KCNJ6: variants seen among roughly 807,000 people sequenced by gnomAD.
KCNJ6 encodes the protein G protein-activated inward rectifier potassium channel 2.
KCNJ6 carries 9 observed loss-of-function variants against 34.2 expected under a neutral mutation model. The observed-to-expected ratio is 0.26, with a 90% CI of 0.16 to 0.46. KCNJ6 has a LOEUF of 0.46. KCNJ6 is among the 20% of genes least tolerant of loss of function. The pLI is 1.00. For synonymous variants in KCNJ6, 196 were observed against 207.1 expected, an observed-to-expected ratio of 0.95 and a Z score of 0.46; for missense variants, 236 against 531.3, an observed-to-expected ratio of 0.44 and a Z score of 5.46.
chr21:37,637,106 G>A (rs1206658541), intron 3 of KCNJ6, among the ~76,000 whole-genome samples: 1 of 152,226 alleles, frequency 6.6e-6, no homozygotes, highest in Non-Finnish European at 1.5e-5. Flanking sequence ...CAGTAATAAA[G>A]TGTTGTGCAC....
chr21:37,646,331 C>G (rs924032208), intron 3 of KCNJ6, among the ~76,000 whole-genome samples: 1 of 152,164 alleles, frequency 6.6e-6, no homozygotes, highest in African/African-American at 2.4e-5. Flanking sequence ...CACCATGTGC[C>G]CAAGTTCTGT....
intron 2 of KCNJ6, among the ~76,000 whole-genome samples, chr21:37,785,640 T>G (rs369850851): frequency 1.3e-4 from 20 of 152,336 alleles, no homozygotes; most frequent in African/African-American, 4.6e-4. Context: ...TTATCAATAT[T>G]ATTTCTTCTA....
intron 1 of KCNJ6, among the ~76,000 whole-genome samples, chr21:37,882,312 G>A (rs902931983): frequency 2.6e-5 from 4 of 152,108 alleles, no homozygotes; most frequent in Admixed American, 6.5e-5. Context: ...CACACAACAG[G>A]CTTGGGTTTC....
chr21:37,672,436 T>G (rs889267427), intron 3 of KCNJ6, among the ~76,000 whole-genome samples: 3 of 152,036 alleles, frequency 2.0e-5, no homozygotes, highest in Non-Finnish European at 4.4e-5. Context: ...AGGAGCTGGG[T>G]CTGGGGGTCA....
At chr21:37,650,104 T>C (rs1466799840) in intron 3 of KCNJ6, among the ~76,000 whole-genome samples, 1 of 152,122 alleles carries the variant, frequency 6.6e-6, no homozygotes, top group Non-Finnish European at 1.5e-5. Flanking sequence ...TGTGTCTGCA[T>C]TCTAGAAAAG....
rs527737702 is a variant in KCNJ6 at position 37,732,032 on chromosome 21, A to G, written c.26-16901T>C. 2.6e-5 allele frequency among the ~76,000 whole-genome samples: 4 copies of G among 152,314 alleles called. 1 individual carries two copies. Among genetic ancestry groups the G allele is most frequent in the Non-Finnish European group, 5.9e-5 (4 of 68,026 alleles). On this transcript the variant is annotated intron_variant, in intron 2 of 3. Transcript: ENST00000609713. ...CTGCAAGACACACTCATCTTAGATG[A>G]GGAAGGGAGATGGCAGCGTGGCTGG...
At chr21:37,667,013 T>C (rs542005278) in intron 3 of KCNJ6, among the ~76,000 whole-genome samples, 29 of 151,776 alleles carry the variant, frequency 1.9e-4, no homozygotes, top group African/African-American at 6.8e-4. Flanking sequence ...ACAAACACTG[T>C]GGAAGGCCGC....
chr21:37,655,388 C>T (rs192652644), intron 3 of KCNJ6, among the ~76,000 whole-genome samples: 1 of 152,240 alleles, frequency 6.6e-6, no homozygotes, highest in East Asian at 1.9e-4. Context: ...GTATCATAGG[C>T]AAATCAAAGC....
At chr21:37,784,944 C>T (rs1361243779) in intron 2 of KCNJ6, among the ~76,000 whole-genome samples, 4 of 152,100 alleles carry the variant, frequency 2.6e-5, no homozygotes, top group South Asian at 2.1e-4. Flanking sequence ...CAGGTGGCTC[C>T]GAGCACAATT....
At position 37,625,136 on chromosome 21, in the gene KCNJ6, G is replaced by A; in HGVS notation, c.*23C>T. The A allele has an allele frequency of 6.5e-7, 1 of 1,535,030 alleles. No individual in the cohort carries two copies. The highest frequency in any genetic ancestry group is 9.0e-7 in the Non-Finnish European group (1 of 1,112,410). On this transcript the variant is annotated 3_prime_UTR_variant, in exon 4 of 4. Coordinates refer to ENST00000609713, the MANE Select transcript of KCNJ6 (RefSeq NM_002240.5). Reference sequence around the variant, plus strand: ...GAAAGATTGTGTTGGGGGGAGAAGAGAAGGGTTTGCCCAGCTAGGGCACTA... The same window carrying A: ...GAAAGATTGTGTTGGGGGGAGAAGAAAAGGGTTTGCCCAGCTAGGGCACTA...
In KCNJ6 at chr21:37,614,626, ATATGTCTG is replaced by A. The variant is rs1384580453; in HGVS notation, c.*10525_*10532del. The A allele has an allele frequency of 1.0e-5, 1 of 99,896 alleles. No homozygotes were observed. Among genetic ancestry groups the A allele is most frequent in the Non-Finnish European group, 2.1e-5 (1 of 46,570 alleles). 6.2% of individuals were successfully genotyped at this position (99,896 alleles called of 1,614,324 possible). On this transcript the variant is annotated 3_prime_UTR_variant, in exon 4 of 4. Transcript: ENST00000609713. The stretch of plus-strand genomic sequence containing the variant: ...CATGTCTGTATGCGTGTGTGTATGC[ATATGTCTG>A]TGTGTGTATGCACGTGTGTGTATGC...
intron 3 of KCNJ6, among the ~76,000 whole-genome samples, chr21:37,634,782 A>T (rs997244357): frequency 6.7e-6 from 1 of 149,624 alleles, no homozygotes; most frequent in Non-Finnish European, 1.5e-5. Flanking sequence ...TTTTTCAGAC[A>T]GAGTCTCACT....
intron 3 of KCNJ6, among the ~76,000 whole-genome samples, chr21:37,658,375 G>A (rs779725714): frequency 6.6e-6 from 1 of 152,208 alleles, no homozygotes; most frequent in Non-Finnish European, 1.5e-5. Context: ...TCAAGTTTCT[G>A]CTGCTTTGCA....
chr21:37,830,599 A>G (rs1182678979), intron 2 of KCNJ6, among the ~76,000 whole-genome samples: 1 of 152,286 alleles, frequency 6.6e-6, no homozygotes, highest in African/African-American at 2.4e-5. Flanking sequence ...CACGCTGAGA[A>G]AGCCCAGTTC....
chr21:37,803,656 C>T (rs1043239429), intron 2 of KCNJ6, among the ~76,000 whole-genome samples: 1 of 152,196 alleles, frequency 6.6e-6, no homozygotes, highest in African/African-American at 2.4e-5. Context: ...TCCTCCCTGC[C>T]CCACTGGGGT....
At chr21:37,854,698 C>T (rs370572362) in intron 1 of KCNJ6, among the ~76,000 whole-genome samples, 2 of 152,026 alleles carry the variant, frequency 1.3e-5, no homozygotes, top group Non-Finnish European at 2.9e-5. Flanking sequence ...ATCCCAAATA[C>T]CCTGACTTGA....
chr21:37,710,010 CT>C (rs768484898), intron 3 of KCNJ6, among the ~76,000 whole-genome samples: 190 of 152,128 alleles, frequency 1.2e-3, no homozygotes, highest in Non-Finnish European at 2.5e-3. Context: ...CCCCAGTGTT[CT>C]ATGCAGTATT....
At position 37,715,241 on chromosome 21, in the gene KCNJ6, G is replaced by C. The variant is rs568069570; in HGVS notation, c.26-110C>G. Reference sequence around the variant, plus strand: ...GGTGAAACCAAATACCATTTGTGTAGCTATAAACAAAGTAGACAAAGCCAT... The same window carrying C: ...GGTGAAACCAAATACCATTTGTGTACCTATAAACAAAGTAGACAAAGCCAT... On this transcript the variant is annotated intron_variant, in intron 2 of 3. Transcript: ENST00000609713. The C allele has an allele frequency of 3.2e-6, 3 of 947,636 alleles. No homozygotes were observed. The African/African-American group carries it at 5.0e-5, about 16-fold the overall frequency. The allele number at this position is 947,636 out of a possible 1,614,324, so 58.7% of individuals were successfully genotyped here.
intron 3 of KCNJ6, among the ~76,000 whole-genome samples, chr21:37,637,767 C>T (rs1300474498): frequency 6.6e-6 from 1 of 152,132 alleles, no homozygotes; most frequent in Non-Finnish European, 1.5e-5. Context: ...CAAATGAGAT[C>T]ATAAGAATGG....
Sources: gnomAD v4.1 joint callset for allele counts (sites outside exome capture counted in the v4.1 genomes callset) on GRCh38, gnomAD v4.1.1 for gene constraint, MANE v1.5 for transcripts, NCBI Gene and HGNC (gene_info 2026-07-23, HGNC 2026-07-21) for gene names.